TOPAZ1: variants seen among roughly 807,000 people sequenced by gnomAD.
TOPAZ1 encodes protein TOPAZ1.
Under a neutral mutation model 172.2 loss-of-function variants are expected in TOPAZ1, and 66 were observed. That is an observed-to-expected ratio of 0.38 (90% confidence interval 0.31 to 0.47). TOPAZ1 has a LOEUF of 0.47. TOPAZ1 is among the 20% of genes least tolerant of loss of function. TOPAZ1 has a pLI of 0.99. For missense variants in TOPAZ1, 1,822 were observed against 1,972.4 expected (o/e 0.92, Z 1.44); for synonymous variants, 681 against 683.9 (o/e 1.00, Z 0.07).
chr3:44,289,553 C>G (rs922264103), intron 11 of TOPAZ1, among the ~76,000 whole-genome samples: 1 of 152,038 alleles, frequency 6.6e-6, no homozygotes, highest in South Asian at 2.1e-4. Flanking sequence ...TTTCTAGGAC[C>G]CATTCAAAAG....
chr3:44,280,636 C>T (rs997578750), intron 8 of TOPAZ1, among the ~76,000 whole-genome samples: 2 of 152,288 alleles, frequency 1.3e-5, no homozygotes, highest in African/African-American at 4.8e-5. Flanking sequence ...GCTGCTGTAC[C>T]CAGCCTGTTC....
At position 44,321,203 on chromosome 3, in the gene TOPAZ1, A is replaced by G; in HGVS notation, c.4471+12A>G. 1.3e-6 allele frequency: 2 copies of G among 1,531,908 alleles called. No homozygotes were observed. Among genetic ancestry groups the G allele is most frequent in the Non-Finnish European group, 1.8e-6 (2 of 1,138,266 alleles). The allele number at this position is 1,531,908 out of a possible 1,614,324, so 94.9% of individuals were successfully genotyped here. A position where few individuals can be genotyped will look rare whatever the true frequency, so the allele number is the denominator to read the frequency against. On this transcript the variant is annotated intron_variant, in intron 17 of 19. Coordinates refer to ENST00000309765, the MANE Select transcript of TOPAZ1 (RefSeq NM_001145030.2). ...TCAAAATTCCCAAGGTATGTTTTTT[A>G]AAAGTCTATCTTAATTATCTCTTGC... is the stretch of plus-strand genomic sequence containing the variant.
chr3:44,330,536 G>A (rs145470396), intron 19 of TOPAZ1, among the ~76,000 whole-genome samples: 12 of 152,142 alleles, frequency 7.9e-5, no homozygotes, highest in Admixed American at 1.3e-4. Context: ...CCAGATTCCC[G>A]GGCACCTCTT....
Position 44,244,157 on chromosome 3 carries a change from T to G in TOPAZ1, c.1651T>G (p.Ser551Ala). The change falls in exon 2 of 20, where the codon TCC becomes GCC. Residue 551 changes from serine to alanine, a missense_variant. This residue lies in a region of TOPAZ1 where 1,489 missense variants were observed against 1,490.8 expected (regional missense o/e 1.00). Coordinates refer to ENST00000309765, the MANE Select transcript of TOPAZ1 (RefSeq NM_001145030.2). ...TGACTCCAAATTATTATTACAAAGT[T>G]CCTTAACAGAAACAAACACTGAATC... ...LTDSKLLLQSSLTETNTESSS... is the reference protein window; with the variant it reads ...LTDSKLLLQSALTETNTESSS... 1 of 1,551,414 alleles carries G rather than the reference T, an allele frequency of 6.4e-7. No homozygotes were observed. The highest frequency in any genetic ancestry group is 8.7e-7 in the Non-Finnish European group (1 of 1,146,796).
intron 12 of TOPAZ1, among the ~76,000 whole-genome samples, chr3:44,301,597 A>G (rs1023732482): frequency 5.3e-5 from 8 of 152,052 alleles, no homozygotes; most frequent in Admixed American, 1.3e-4. Flanking sequence ...TTTAGTTTGC[A>G]TTTCTCTCAT....
At chr3:44,311,832 A>T (rs1212231490) in intron 16 of TOPAZ1, among the ~76,000 whole-genome samples, 3 of 152,178 alleles carry the variant, frequency 2.0e-5, no homozygotes, top group Non-Finnish European at 4.4e-5. Context: ...TATACATTAC[A>T]ATTACAAACA....
intron 16 of TOPAZ1, among the ~76,000 whole-genome samples, chr3:44,318,767 A>T (rs558817588): frequency 8.8e-4 from 130 of 148,132 alleles, no homozygotes; most frequent in East Asian, 5.1e-3. Context: ...GGAAAAAAAA[A>T]ATATATATAT....
intron 12 of TOPAZ1, among the ~76,000 whole-genome samples, chr3:44,297,096 A>G (rs866204781): frequency 2.0e-5 from 3 of 151,220 alleles, no homozygotes; most frequent in Non-Finnish European, 4.4e-5. Flanking sequence ...ACTTGAACCC[A>G]GGAGGCGGAG....
intron 9 of TOPAZ1, among the ~76,000 whole-genome samples, chr3:44,284,456 CTTT>C (rs1165954457): frequency 6.6e-6 from 1 of 152,110 alleles, no homozygotes; most frequent in East Asian, 1.9e-4. Context: ...AATTTCCTTC[CTTT>C]TAAAGGCTGA....
chr3:44,242,064 C>A lies in TOPAZ1; in HGVS notation c.11C>A (p.Pro4His). The A allele has an allele frequency of 6.5e-7, 1 of 1,545,122 alleles. No individual in the cohort carries two copies. The highest frequency in any genetic ancestry group is 8.7e-7 in the Non-Finnish European group (1 of 1,146,256). The change falls in exon 1 of 20, where the codon CCT becomes CAT. Residue 4 changes from proline to histidine, a missense_variant. Pro to His is a moderately conservative substitution (Grantham distance 77, BLOSUM62 -2). Around this residue, in one of 2 missense-constraint regions of TOPAZ1, gnomAD observed 1,489 missense variants for 1,490.8 expected, o/e 1.00. Transcript: ENST00000309765. Reference protein sequence around the residue: MRRPPPLGPTTASG... With the variant: MRRHPPLGPTTASG... ...CCGGCCCCGGGGCACATGCGACGAC[C>A]TCCACCCCTGGGCCCCACGACGGCC...
chr3:44,299,807 A>T (rs1413125644), intron 12 of TOPAZ1, among the ~76,000 whole-genome samples: 1 of 149,638 alleles, frequency 6.7e-6, no homozygotes, highest in Non-Finnish European at 1.5e-5. Flanking sequence ...TTGTAGGGAC[A>T]TGGATGAAAT....
chr3:44,278,070 T>C (rs949493206), intron 8 of TOPAZ1, among the ~76,000 whole-genome samples: 2 of 152,350 alleles, frequency 1.3e-5, no homozygotes, highest in Admixed American at 6.5e-5. Flanking sequence ...GCCTAGTTTA[T>C]TGAGATTTTT....
intron 8 of TOPAZ1, 39 bp downstream of exon 8, chr3:44,270,849 AT>A: frequency 6.6e-7 from 1 of 1,505,270 alleles, no homozygotes; most frequent in Non-Finnish European, 8.9e-7. Context: ...GATTGTTTTA[AT>A]AACTATCTCA....
At position 44,331,974 on chromosome 3, in the gene TOPAZ1, A is replaced by G. The variant is rs914047866; in HGVS notation, c.5042A>G (p.Lys1681Arg). ...SALKWLKENM[K>R]WAGKVWLFSN... ...CTGAAATGGTTAAAAGAGAATATGA[A>G]GTGGGCTGGAAAGGTTTGGCTTTTC... The change falls in exon 20 of 20, where the codon AAG (lysine) becomes AGG (arginine). Residue 1681 changes from lysine to arginine, a missense_variant. By Grantham distance (26) the Lys-to-Arg change is conservative (BLOSUM62 2). Transcript: ENST00000309765. 1 of 1,550,544 alleles carries G rather than the reference A, an allele frequency of 6.4e-7. No individual in the cohort carries two copies. Among genetic ancestry groups the G allele is most frequent in the African/African-American group, 1.4e-5 (1 of 72,890 alleles).
intron 2 of TOPAZ1, among the ~76,000 whole-genome samples, chr3:44,247,481 C>G (rs1389736780): frequency 1.3e-5 from 2 of 152,082 alleles, no homozygotes; most frequent in Non-Finnish European, 2.9e-5. Context: ...ACTTTTTCTC[C>G]TAATATAGCC....
Position 44,323,278 on chromosome 3 carries a change from C to T in TOPAZ1, c.4658C>T (p.Ala1553Val). Residue 1553 changes from alanine to valine, a missense_variant, in exon 18 of 20, where the codon GCC (alanine) becomes GTC (valine). This residue lies in a region of TOPAZ1 where 333 missense variants were observed against 481.7 expected (regional missense o/e 0.69). Transcript: ENST00000309765. ...SLGRSRLWLKARAHYKSALSL... is the reference protein window; with the variant it reads ...SLGRSRLWLKVRAHYKSALSL... ...GGAAGGAGTCGTTTATGGCTCAAAG[C>T]CAGAGCCCACTACAAAAGTAAGTTA... 6.5e-7 allele frequency: 1 copy of T among 1,544,556 alleles called. No individual in the cohort carries two copies. Among genetic ancestry groups the T allele is most frequent in the Non-Finnish European group, 8.7e-7 (1 of 1,143,616 alleles).
intron 12 of TOPAZ1, among the ~76,000 whole-genome samples, chr3:44,299,511 A>C (rs1408322408): frequency 1.3e-5 from 2 of 152,000 alleles, no homozygotes; most frequent in Non-Finnish European, 2.9e-5. Flanking sequence ...GTGGGACAGT[A>C]AACTAGTTCA....
intron 2 of TOPAZ1, among the ~76,000 whole-genome samples, chr3:44,248,428 T>C (rs1699591480): frequency 6.6e-6 from 1 of 152,188 alleles, no homozygotes; most frequent in Non-Finnish European, 1.5e-5. Flanking sequence ...CTTCTAAAGT[T>C]TCTGTTTTTA....
chr3:44,256,681 T>C (rs1699707396), intron 4 of TOPAZ1, among the ~76,000 whole-genome samples: 1 of 152,182 alleles, frequency 6.6e-6, no homozygotes, highest in South Asian at 2.1e-4. Flanking sequence ...ATGATTTCTT[T>C]GTTTTGTTTG....
Sources: allele counts gnomAD v4.1 joint callset (sites outside exome capture counted in the v4.1 genomes callset), GRCh38; gene constraint gnomAD v4.1.1; regional missense constraint gnomAD v4.1.1; transcripts MANE v1.5; gene names NCBI Gene and HGNC (gene_info 2026-07-23, HGNC 2026-07-21).